The following MIPEP variants were observed in gnomAD, a reference collection of about 807,000 sequenced individuals.
MIPEP encodes the protein mitochondrial intermediate peptidase.
MIPEP carries 79 observed loss-of-function variants against 90.3 expected under a neutral mutation model. The observed-to-expected ratio is 0.87, with a 90% CI of 0.73 to 1.05. The LOEUF (loss-of-function observed/expected upper bound fraction) is 1.05. Ranked by LOEUF, MIPEP falls within the 50% of genes least tolerant of loss-of-function variation. MIPEP has a pLI of 0.00. For synonymous variants in MIPEP, 334 were observed against 315.8 expected, an observed-to-expected ratio of 1.06 and a Z score of -0.61; for missense variants, 940 against 905.6, an observed-to-expected ratio of 1.04 and a Z score of -0.49.
intron 18 of MIPEP, among the ~76,000 whole-genome samples, chr13:23,740,217 G>A (rs1952311449): frequency 6.6e-6 from 1 of 152,154 alleles, no homozygotes; most frequent in African/African-American, 2.4e-5. Flanking sequence ...AACAAATGAG[G>A]AAGCTCTCCC....
chr13:23,796,552 G>T (rs1952963831), intron 16 of MIPEP, among the ~76,000 whole-genome samples: 1 of 150,638 alleles, frequency 6.6e-6, no homozygotes, highest in Non-Finnish European at 1.5e-5. Context: ...CTCATGGTAG[G>T]TTTTAAATTT....
At position 23,813,118 on chromosome 13, in the gene MIPEP, T is replaced by C. The variant is rs1953193046; in HGVS notation, c.1654-3194A>G. Among the ~76,000 whole-genome samples the C allele has an allele frequency of 2.6e-5, 4 of 152,018 alleles. No homozygotes were observed. In the South Asian group the frequency reaches 6.2e-4, roughly 24 times the overall value. On this transcript the variant is annotated intron_variant, in intron 14 of 18. Coordinates refer to ENST00000382172, the MANE Select transcript of MIPEP (RefSeq NM_005932.4). The stretch of plus-strand genomic sequence containing the variant: ...CTTGCTTTTTAAAACATAACAAATT[T>C]GAAAAAAAAACTTAAATACCATACA...
chr13:23,858,275 C>T (rs1239349942), intron 10 of MIPEP, among the ~76,000 whole-genome samples: 2 of 151,862 alleles, frequency 1.3e-5, no homozygotes, highest in Non-Finnish European at 2.9e-5. Flanking sequence ...ACCTACTTTT[C>T]TCCAATATAA....
At chr13:23,806,756 C>G (rs1566000389) in intron 15 of MIPEP, among the ~76,000 whole-genome samples, 2 of 150,844 alleles carry the variant, frequency 1.3e-5, no homozygotes, top group Non-Finnish European at 2.9e-5. Flanking sequence ...ATCTATCTAT[C>G]TATCTATCTG....
intron 16 of MIPEP, among the ~76,000 whole-genome samples, chr13:23,793,828 G>A (rs9551008): frequency 0.22 from 33,092 of 151,464 alleles, 4,190 homozygotes; most frequent in East Asian, 0.46. Context: ...CCAGGCAGCA[G>A]AAACAAGTGC....
intron 16 of MIPEP, among the ~76,000 whole-genome samples, chr13:23,761,212 C>A: frequency 6.6e-6 from 1 of 151,062 alleles, no homozygotes; most frequent in South Asian, 2.1e-4. Flanking sequence ...GAAGGGTGAA[C>A]AAACTGTTGT....
intron 13 of MIPEP, among the ~76,000 whole-genome samples, chr13:23,836,850 A>G (rs1226517773): frequency 6.6e-6 from 1 of 152,232 alleles, no homozygotes; most frequent in East Asian, 1.9e-4. Context: ...AAATCCTGTA[A>G]GAAATTTAGA....
intron 10 of MIPEP, among the ~76,000 whole-genome samples, chr13:23,851,498 G>A (rs564687420): frequency 3.3e-5 from 5 of 152,028 alleles, no homozygotes; most frequent in Non-Finnish European, 7.4e-5. Flanking sequence ...ACTATCAATG[G>A]GTGTTAAAGC....
At chr13:23,743,882 T>C (rs1952357292) in intron 18 of MIPEP, among the ~76,000 whole-genome samples, 1 of 152,172 alleles carries the variant, frequency 6.6e-6, no homozygotes, top group Non-Finnish European at 1.5e-5. Context: ...ATTTCTTTCT[T>C]CCAAAAAGCT....
intron 5 of MIPEP, among the ~76,000 whole-genome samples, chr13:23,873,207 C>A (rs1053866014): frequency 6.6e-6 from 1 of 152,204 alleles, no homozygotes; most frequent in Non-Finnish European, 1.5e-5. Context: ...AGGAGGAGGA[C>A]AGCAAACACA....
chr13:23,745,252 T>C (rs1387769002), intron 18 of MIPEP, among the ~76,000 whole-genome samples: 1 of 152,200 alleles, frequency 6.6e-6, no homozygotes, highest in African/African-American at 2.4e-5. Context: ...AAATCAGGTA[T>C]AGGTATAATT....
In MIPEP at chr13:23,881,144, C is replaced by T. The variant is rs4067956; in HGVS notation, c.452+555G>A. Among the ~76,000 whole-genome samples the T allele has an allele frequency of 9.5e-4, 145 of 152,318 alleles. 1 individual carries two copies. The highest frequency in any genetic ancestry group is 6.8e-3 in the Middle Eastern group (2 of 294). Reference sequence around the variant, plus strand: ...AGCCTCAGCCAGAGCATGCTCCAGCCCTCCCACAGACTTTTACAGCCTCCC... The same window carrying T: ...AGCCTCAGCCAGAGCATGCTCCAGCTCTCCCACAGACTTTTACAGCCTCCC... On this transcript the variant is annotated intron_variant, in intron 3 of 18. Transcript: ENST00000382172.
chr13:23,823,099 A>G (rs542389423), intron 14 of MIPEP, among the ~76,000 whole-genome samples: 11 of 152,092 alleles, frequency 7.2e-5, no homozygotes, highest in Non-Finnish European at 1.5e-4. Context: ...AGAAAAAGAA[A>G]CAGTCATTAC....
chr13:23,884,596 C>A (rs1225212866), intron 2 of MIPEP, among the ~76,000 whole-genome samples: 1 of 152,194 alleles, frequency 6.6e-6, no homozygotes, highest in East Asian at 1.9e-4. Context: ...TGCCTTTCTT[C>A]CCTCTTGTGA....
At position 23,756,580 on chromosome 13, in the gene MIPEP, T is replaced by G; in HGVS notation, c.2009A>C (p.His670Pro). 6.2e-7 allele frequency: 1 copy of G among 1,613,944 alleles called. No individual in the cohort carries two copies. Among genetic ancestry groups the G allele is most frequent in the South Asian group, 1.1e-5 (1 of 91,084 alleles). ...GERYRREMLA[H>P]GGGREPMLMV... ...GAGCATGGGCTCCCTGCCTCCACCG[T>G]GGGCCAGCATCTCCCTGCGATAGCG... is the stretch of plus-strand genomic sequence containing the variant. Residue 670 changes from histidine to proline, a missense_variant, in exon 18 of 19, where the codon CAC becomes CCC. By Grantham distance (77) the His-to-Pro change is moderately conservative. Transcript: ENST00000382172.
In MIPEP at chr13:23,730,344, T is replaced by TC; in HGVS notation, c.*3dup. The TC allele has an allele frequency of 6.3e-7, 1 of 1,595,630 alleles. No homozygotes were observed. The highest frequency in any genetic ancestry group is 8.6e-7 in the Non-Finnish European group (1 of 1,164,944). On this transcript the variant is annotated 3_prime_UTR_variant, in exon 19 of 19. Coordinates refer to ENST00000382172, the MANE Select transcript of MIPEP (RefSeq NM_005932.4). ...CTTGATTTAAGAGGTGTAGAGTGTTTCTTTTATTCAGAATCCATGAGGAAA... is the reference window on the plus strand; with the variant it reads ...CTTGATTTAAGAGGTGTAGAGTGTTTCCTTTTATTCAGAATCCATGAGGAAA...
At position 23,804,695 on chromosome 13, in the gene MIPEP, T is replaced by C. The variant is rs778062463; in HGVS notation, c.1848+1255A>G. Among the ~76,000 whole-genome samples the C allele has an allele frequency of 4.6e-5, 7 of 152,342 alleles. No individual in the cohort carries two copies. The South Asian group carries it at 8.3e-4, about 18-fold the overall frequency. Reference sequence around the variant, plus strand: ...AGATAAAATATCCTGTTGCTTCACTTGTCTGGTAAATACGATCTCTTCCCA... The same window carrying C: ...AGATAAAATATCCTGTTGCTTCACTCGTCTGGTAAATACGATCTCTTCCCA... On this transcript the variant is annotated intron_variant, in intron 16 of 18. Coordinates refer to ENST00000382172, the MANE Select transcript of MIPEP (RefSeq NM_005932.4).
intron 10 of MIPEP, among the ~76,000 whole-genome samples, chr13:23,849,954 AGTCAGAGAATCCAG>A (rs1869730775): frequency 6.6e-6 from 1 of 152,256 alleles, no homozygotes; most frequent in Non-Finnish European, 1.5e-5. Flanking sequence ...AATCAAGTAC[AGTCAGAGAATCCAG>A]GTTGAAACAC....
chr13:23,795,598 C>T lies in MIPEP; in HGVS notation c.1848+10352G>A, dbSNP rs528741198. Among the ~76,000 whole-genome samples the T allele has an allele frequency of 2.2e-4, 34 of 152,224 alleles. No individual in the cohort carries two copies. The South Asian group carries it at 5.0e-3, about 22-fold the overall frequency. ...GTCTTATCAACTATTCTAAAATTAA[C>T]GCTTTTAAGGTAAAATCATTATATA... On this transcript the variant is annotated intron_variant, in intron 16 of 18. Transcript: ENST00000382172.
Sources: allele counts gnomAD v4.1 joint callset (sites outside exome capture counted in the v4.1 genomes callset), GRCh38; gene constraint gnomAD v4.1.1; transcripts MANE v1.5; gene names NCBI Gene and HGNC (gene_info 2026-07-23, HGNC 2026-07-21).